Variants in APBB1IP observed in about 807,000 individuals in gnomAD.
APBB1IP encodes the protein amyloid beta A4 precursor protein-binding family B member 1-interacting protein.
Under a neutral mutation model 64.9 loss-of-function variants are expected in APBB1IP, and 27 were observed. The ratio of observed to expected loss-of-function variants is 0.42; its 90% CI spans 0.31 to 0.57. APBB1IP has a LOEUF of 0.57. APBB1IP is among the 20% of genes least tolerant of loss of function. The probability of loss-of-function intolerance (pLI) is 0.20; values close to 1 mark genes in which losing one functional copy is unlikely to be tolerated. For synonymous variants in APBB1IP, 392 were observed against 331.0 expected (o/e 1.18, Z -2.00); for missense variants, 812 against 845.5 (o/e 0.96, Z 0.49).
At chr10:26,454,970 A>C (rs1835505741) in intron 2 of APBB1IP, among the ~76,000 whole-genome samples, 2 of 152,240 alleles carry the variant, frequency 1.3e-5, no homozygotes, top group African/African-American at 4.8e-5. Flanking sequence ...GGCTCTCCAC[A>C]GTTTGACAAC....
At chr10:26,546,153 C>T (rs1836763066) in intron 11 of APBB1IP, among the ~76,000 whole-genome samples, 1 of 152,162 alleles carries the variant, frequency 6.6e-6, no homozygotes. Context: ...GAGATGAGAG[C>T]GTCCAGCCCT....
At position 26,506,153 on chromosome 10, in the gene APBB1IP, C is replaced by A. The variant is rs534791818; in HGVS notation, c.531+2879C>A. 3.0e-4 allele frequency among the ~76,000 whole-genome samples: 45 copies of A among 151,324 alleles called. No individual in the cohort carries two copies. In the South Asian group the frequency reaches 9.4e-3, roughly 31 times the overall value. On this transcript the variant is annotated intron_variant, in intron 6 of 14. Coordinates refer to ENST00000376236, the MANE Select transcript of APBB1IP (RefSeq NM_019043.4). ...GTCTTTGGTCACCTTCCTAGCGAGG[C>A]CTTTCCTATCTAACACCACATGCAC...
chr10:26,444,142 C>G (rs980204228), intron 2 of APBB1IP, among the ~76,000 whole-genome samples: 3 of 152,028 alleles, frequency 2.0e-5, no homozygotes, highest in Non-Finnish European at 4.4e-5. Context: ...GTTCCAAGCA[C>G]AGGGAACAGT....
At chr10:26,449,833 G>A (rs2132397493) in intron 2 of APBB1IP, among the ~76,000 whole-genome samples, 1 of 152,102 alleles carries the variant, frequency 6.6e-6, no homozygotes. Flanking sequence ...AATACAATGA[G>A]ACCCTGTCTC....
rs572736136 is a variant in APBB1IP, at chr10:26,526,573, G to GC, written c.814-6866_814-6865insC. Among the ~76,000 whole-genome samples the GC allele has an allele frequency of 3.2e-3, 482 of 152,146 alleles. 1 individual carries two copies. Among genetic ancestry groups the GC allele is most frequent in the African/African-American group, 0.011 (458 of 41,526 alleles). On this transcript the variant is annotated intron_variant, in intron 8 of 14. Coordinates refer to ENST00000376236, the MANE Select transcript of APBB1IP (RefSeq NM_019043.4). ...GTCTCTACTAAAAATACAAAAACAAGTCGTGCATGGCGGCGTGTGCCTGTA... is the reference window on the plus strand; with the variant it reads ...GTCTCTACTAAAAATACAAAAACAAGCTCGTGCATGGCGGCGTGTGCCTGTA...
chr10:26,511,547 T>G (rs909010952), intron 6 of APBB1IP, among the ~76,000 whole-genome samples, 200 bp from the exon 7 acceptor site: 3 of 152,222 alleles, frequency 2.0e-5, no homozygotes, highest in Non-Finnish European at 2.9e-5. Context: ...TATTTTCTAT[T>G]TTTGTGAATT....
intron 2 of APBB1IP, among the ~76,000 whole-genome samples, chr10:26,468,086 T>C (rs1159474846): frequency 1.3e-5 from 2 of 152,174 alleles, no homozygotes; most frequent in Non-Finnish European, 2.9e-5. Flanking sequence ...GGCCGTATTA[T>C]GGCTAAGTTT....
rs1296960573 is a variant in APBB1IP at position 26,567,286 on chromosome 10, C to T, written c.1799C>T (p.Pro600Leu). The change falls in exon 15 of 15, where the codon CCG (proline) becomes CTG (leucine). Residue 600 changes from proline (P) to leucine (L), a missense_variant. Physicochemically the swap from Pro to Leu is moderately conservative, Grantham distance 98. Around this residue, in one of 3 missense-constraint regions of APBB1IP, gnomAD observed 381 missense variants for 352.1 expected, o/e 1.08. Coordinates refer to ENST00000376236, the MANE Select transcript of APBB1IP (RefSeq NM_019043.4). ...YAGIAGSELPPPPPPPPAPAP... is the reference protein window; with the variant it reads ...YAGIAGSELPLPPPPPPAPAP... The stretch of plus-strand genomic sequence containing the variant: ...GGGATCGCGGGCTCAGAGCTGCCCC[C>T]GCCGCCGCCGCCGCCGCCCGCGCCC... 4 of 983,078 alleles carry T rather than the reference C, an allele frequency of 4.1e-6. No individual in the cohort carries two copies. In the Admixed American group the frequency reaches 1.7e-4, roughly 41 times the overall value. The allele number at this position is 983,078 out of a possible 1,614,324, so 60.9% of individuals were successfully genotyped here.
intron 6 of APBB1IP, among the ~76,000 whole-genome samples, chr10:26,510,734 T>TCACACACACACACA (rs1554776713): frequency 5.9e-5 from 8 of 135,980 alleles, no homozygotes; most frequent in Admixed American, 1.5e-4. Context: ...AGACCCTGTC[T>TCACACACACACACA]CACACACACA....
intron 13 of APBB1IP, chr10:26,561,799 C>T (rs760949604): frequency 2.6e-5 from 4 of 152,198 alleles, no homozygotes; most frequent in African/African-American, 4.8e-5. Flanking sequence ...TCAAGGACCC[C>T]CACATTTTGC....
In APBB1IP at chr10:26,562,315, T is replaced by C. The variant is rs779283463; in HGVS notation, c.1370-11T>C. 15 of 1,600,412 alleles carry C rather than the reference T, an allele frequency of 9.4e-6. No individual in the cohort carries two copies. The highest frequency in any genetic ancestry group is 1.3e-5 in the Non-Finnish European group (15 of 1,168,004). Reference sequence around the variant, plus strand: ...TTGCTCACTCTTCTTTTCTCACTTCTTCCCTCTCAGGACCTAAAACAGGCA... The same window carrying C: ...TTGCTCACTCTTCTTTTCTCACTTCCTCCCTCTCAGGACCTAAAACAGGCA... On this transcript the variant is annotated splice_polypyrimidine_tract_variant and intron_variant, in intron 13 of 14. Coordinates refer to ENST00000376236, the MANE Select transcript of APBB1IP (RefSeq NM_019043.4).
At chr10:26,439,193 CCAGCAGGTCAGCAGGT>C (rs555754524) in intron 2 of APBB1IP, among the ~76,000 whole-genome samples, 1 of 152,110 alleles carries the variant, frequency 6.6e-6, no homozygotes, top group African/African-American at 2.4e-5. Flanking sequence ...CCTTGCACGT[CCAGCAGGTCAGCAGGT>C]CAGCAGGTCA....
chr10:26,454,452 C>T (rs1291201816), intron 2 of APBB1IP, among the ~76,000 whole-genome samples: 3 of 151,832 alleles, frequency 2.0e-5, no homozygotes, highest in African/African-American at 4.8e-5. Flanking sequence ...TGCCACTGCA[C>T]TCCAGCCTGG....
At chr10:26,453,218 G>A (rs529858826) in intron 2 of APBB1IP, among the ~76,000 whole-genome samples, 2 of 152,208 alleles carry the variant, frequency 1.3e-5, no homozygotes, top group African/African-American at 4.8e-5. Context: ...TTGGCTTTGT[G>A]TAGTGGGTAG....
intron 8 of APBB1IP, among the ~76,000 whole-genome samples, chr10:26,518,542 T>G (rs1286081306): frequency 1.3e-5 from 2 of 152,196 alleles, no homozygotes; most frequent in Non-Finnish European, 1.5e-5. Context: ...TAACATTGTA[T>G]GAGAATTCCT....
At chr10:26,542,891 C>T (rs1377051019) in intron 11 of APBB1IP, among the ~76,000 whole-genome samples, 1 of 150,732 alleles carries the variant, frequency 6.6e-6, no homozygotes, top group Non-Finnish European at 1.5e-5. Flanking sequence ...CATTTTGCCT[C>T]CAAGGGTCAT....
At position 26,567,503 on chromosome 10, in the gene APBB1IP, A is replaced by C; in HGVS notation, c.*15A>C. On this transcript the variant is annotated 3_prime_UTR_variant, in exon 15 of 15. Coordinates refer to ENST00000376236, the MANE Select transcript of APBB1IP (RefSeq NM_019043.4). ...ACGTGTCCTAGGGACGGGCATGATG[A>C]GTGTTCCAGAGGGAGAAGCATCGCT... 1.4e-5 allele frequency: 22 copies of C among 1,546,708 alleles called. No homozygotes were observed. The highest frequency in any genetic ancestry group is 1.9e-5 in the Non-Finnish European group (22 of 1,135,434).
Position 26,560,770 on chromosome 10 carries a change from C to T in APBB1IP, c.1295C>T (p.Ala432Val), listed in dbSNP as rs756515967. ...TATGATAACTACCAGCGGGCTGTGG[C>T]AAAGGCTGGACTTGCCTCTCGGTGG... ...TLYDNYQRAV[A>V]KAGLASRWTN... Residue 432 changes from alanine (A) to valine (V), a missense_variant, in exon 13 of 15, where the codon GCA (alanine) becomes GTA (valine). By Grantham distance (64) the Ala-to-Val change is moderately conservative. Transcript: ENST00000376236. 5 of 1,605,932 alleles carry T rather than the reference C, an allele frequency of 3.1e-6. No homozygotes were observed. The African/African-American group carries it at 5.4e-5, about 17-fold the overall frequency.
chr10:26,555,735 A>G lies in APBB1IP; in HGVS notation c.1156-4370A>G, dbSNP rs527334414. ...CACTTCAGCATCTCTAGTAGCTGGA[A>G]CTACAGGTGTGTGCCACAACACCTG... On this transcript the variant is annotated intron_variant, in intron 11 of 14. Coordinates refer to ENST00000376236, the MANE Select transcript of APBB1IP (RefSeq NM_019043.4). 3.3e-5 allele frequency among the ~76,000 whole-genome samples: 5 copies of G among 152,278 alleles called. No individual in the cohort carries two copies. In the East Asian group the frequency reaches 9.6e-4, roughly 29 times the overall value.
Sources: allele counts gnomAD v4.1 joint callset (sites outside exome capture counted in the v4.1 genomes callset), GRCh38; gene constraint gnomAD v4.1.1; regional missense constraint gnomAD v4.1.1; transcripts MANE v1.5; gene names NCBI Gene and HGNC (gene_info 2026-07-23, HGNC 2026-07-21).